PDE4B: variants seen among roughly 807,000 people sequenced by gnomAD.
PDE4B encodes the protein phosphodiesterase 4B.
PDE4B carries 20 observed loss-of-function variants against 82.2 expected under a neutral mutation model. The observed-to-expected ratio is 0.24, with a 90% CI of 0.17 to 0.35. The LOEUF (loss-of-function observed/expected upper bound fraction) is 0.35, where lower values mean the gene tolerates loss of function less well. PDE4B is among the 10% of genes least tolerant of loss of function. PDE4B has a pLI of 1.00. For missense variants in PDE4B, 655 were observed against 907.2 expected (o/e 0.72, Z 3.57); for synonymous variants, 320 against 318.9 (o/e 1.00, Z -0.04).
intron 8 of PDE4B, among the ~76,000 whole-genome samples, chr1:66,351,137 A>T (rs1661786556): frequency 1.3e-5 from 2 of 152,180 alleles, no homozygotes; most frequent in African/African-American, 4.8e-5. Context: ...GCATCGGAGG[A>T]ATTTTTTATT....
chr1:66,088,601 T>C (rs1644948224), intron 3 of PDE4B, among the ~76,000 whole-genome samples: 1 of 152,170 alleles, frequency 6.6e-6, no homozygotes, highest in South Asian at 2.1e-4. Flanking sequence ...CTTGTATTTT[T>C]GCACCTTTTT....
chr1:65,996,098 T>C (rs1651527340), intron 3 of PDE4B, among the ~76,000 whole-genome samples: 1 of 152,188 alleles, frequency 6.6e-6, no homozygotes, highest in South Asian at 2.1e-4. Context: ...CAATGTGTTA[T>C]CACTAATCAG....
intron 3 of PDE4B, among the ~76,000 whole-genome samples, chr1:66,022,615 A>T (rs560991532): frequency 6.6e-6 from 1 of 152,038 alleles, no homozygotes; most frequent in Non-Finnish European, 1.5e-5. Context: ...ACGTTTATTG[A>T]TTTGCATATG....
intron 7 of PDE4B, chr1:66,266,571 C>T (rs993118271): frequency 2.5e-6 from 1 of 395,338 alleles, no homozygotes; most frequent in Non-Finnish European, 5.1e-6. Flanking sequence ...CTTTCCAGGT[C>T]ACGAATCATT....
Position 66,142,360 on chromosome 1 carries a change from T to G in PDE4B, c.282-105100T>G, listed in dbSNP as rs192315982. On this transcript the variant is annotated intron_variant, in intron 3 of 16. Transcript: ENST00000341517. The stretch of plus-strand genomic sequence containing the variant: ...TTAAAGTCACTTCTGCCAGTTTACA[T>G]GTTGCTTTGCTTGGCTCACTTCAAA... 2.0e-5 allele frequency among the ~76,000 whole-genome samples: 3 copies of G among 152,344 alleles called. No individual in the cohort carries two copies. The East Asian group carries it at 5.8e-4, about 29-fold the overall frequency.
Position 66,117,004 on chromosome 1 carries a change from G to A in PDE4B, c.282-130456G>A, listed in dbSNP as rs771909695. Among the ~76,000 whole-genome samples, 6 of 152,172 alleles carry A rather than the reference G, an allele frequency of 3.9e-5. No homozygotes were observed. In the East Asian group the frequency reaches 5.8e-4, roughly 15 times the overall value. ...TCCAGCTTTGGTCTTCCAAAGTGCC[G>A]GTGACTGCCCCATACCCTCTCTTGA... On this transcript the variant is annotated intron_variant, in intron 3 of 16. Coordinates refer to ENST00000341517, the MANE Select transcript of PDE4B (RefSeq NM_002600.4).
chr1:66,187,845 T>C (rs1391667756), intron 3 of PDE4B, among the ~76,000 whole-genome samples: 1 of 152,006 alleles, frequency 6.6e-6, no homozygotes, highest in African/African-American at 2.4e-5. Flanking sequence ...TCAGTTCTGC[T>C]CTGATTTTAG....
intron 3 of PDE4B, among the ~76,000 whole-genome samples, chr1:66,224,069 A>G (rs578074785): frequency 3.9e-5 from 6 of 152,268 alleles, no homozygotes; most frequent in African/African-American, 1.4e-4. Context: ...CTTTTAGCTT[A>G]CCAGTAACTC....
At chr1:65,995,333 A>G (rs189450874) in intron 3 of PDE4B, among the ~76,000 whole-genome samples, 1 of 152,312 alleles carries the variant, frequency 6.6e-6, no homozygotes, top group African/African-American at 2.4e-5. Flanking sequence ...TTATTTTCAT[A>G]CAACATGCAA....
At chr1:66,107,085 AT>A (rs1645378887) in intron 3 of PDE4B, among the ~76,000 whole-genome samples, 1 of 145,626 alleles carries the variant, frequency 6.9e-6, no homozygotes, top group Admixed American at 7.0e-5. Context: ...AGTGCTATAA[AT>A]TTTCCTCTAC....
chr1:66,303,108 G>T (rs1256725435), intron 7 of PDE4B, among the ~76,000 whole-genome samples: 1 of 152,072 alleles, frequency 6.6e-6, no homozygotes, highest in Non-Finnish European at 1.5e-5. Context: ...TTCATGAGTG[G>T]TTATTTTTTC....
chr1:66,308,947 TA>T (rs1297427113), intron 7 of PDE4B, among the ~76,000 whole-genome samples: 4 of 152,158 alleles, frequency 2.6e-5, no homozygotes, highest in Non-Finnish European at 5.9e-5. Flanking sequence ...AACAGCCTTG[TA>T]ATTAGAAAAA....
chr1:65,798,905 A>G (rs1367466907), intron 1 of PDE4B, among the ~76,000 whole-genome samples: 1 of 151,136 alleles, frequency 6.6e-6, no homozygotes, highest in African/African-American at 2.4e-5. Context: ...TCTATGGAAC[A>G]TTTTTTTTTC....
intron 3 of PDE4B, among the ~76,000 whole-genome samples, chr1:66,221,966 T>C (rs1384737343): frequency 6.6e-6 from 1 of 152,056 alleles, no homozygotes; most frequent in East Asian, 1.9e-4. Flanking sequence ...AATCCTAAAA[T>C]AACAGTTGTT....
At chr1:66,229,109 G>A (rs1651715318) in intron 3 of PDE4B, among the ~76,000 whole-genome samples, 1 of 152,052 alleles carries the variant, frequency 6.6e-6, no homozygotes, top group Non-Finnish European at 1.5e-5. Context: ...CTGGGTTCAC[G>A]CCATTCTCCT....
intron 7 of PDE4B, among the ~76,000 whole-genome samples, chr1:66,294,360 T>C (rs17128742): frequency 0.036 from 5,542 of 152,260 alleles, 120 homozygotes; most frequent in Middle Eastern, 0.068. Context: ...CAACTTCTGA[T>C]TGTTTATTCA....
chr1:66,030,509 GT>G (rs1653713698), intron 3 of PDE4B, among the ~76,000 whole-genome samples: 1 of 152,134 alleles, frequency 6.6e-6, no homozygotes, highest in African/African-American at 2.4e-5. Context: ...AGTTTTTGTA[GT>G]TTTTTAAATT....
chr1:66,324,029 G>A (rs1053850383), intron 7 of PDE4B, among the ~76,000 whole-genome samples: 15 of 152,302 alleles, frequency 9.8e-5, no homozygotes, highest in African/African-American at 3.4e-4. Flanking sequence ...GATGAGAACA[G>A]ATTCTCGTTA....
chr1:65,875,786 C>T (rs1304689359), intron 1 of PDE4B, among the ~76,000 whole-genome samples: 2 of 119,390 alleles, frequency 1.7e-5, no homozygotes, highest in Non-Finnish European at 3.2e-5. Flanking sequence ...GAACATCACA[C>T]TCTGGGGACT....
Sources: gnomAD v4.1 joint callset for allele counts (sites outside exome capture counted in the v4.1 genomes callset) on GRCh38, gnomAD v4.1.1 for gene constraint, MANE v1.5 for transcripts, NCBI Gene and HGNC (gene_info 2026-07-23, HGNC 2026-07-21) for gene names.